The following FGF1 variants were observed in gnomAD, a reference collection of about 807,000 sequenced individuals.
The protein encoded by FGF1 is fibroblast growth factor 1.
In FGF1, 9 loss-of-function variants were observed where a neutral mutation model predicts 13.4. That is an observed-to-expected ratio of 0.67 (90% CI 0.40 to 1.17). FGF1 has a LOEUF of 1.17. Among genes scored for constraint, FGF1 ranks in the 50% most tolerant of loss-of-function variants. The probability of loss-of-function intolerance (pLI) is 0.01; values close to 1 mark genes in which losing one functional copy is unlikely to be tolerated. For missense variants in FGF1, 156 were observed against 192.7 expected, an observed-to-expected ratio of 0.81 and a Z score of 1.13; for synonymous variants, 93 against 79.0, an observed-to-expected ratio of 1.18 and a Z score of -0.94.
chr5:142,596,982 C>A (rs933205886), intron 3 of FGF1, among the ~76,000 whole-genome samples: 2 of 151,762 alleles, frequency 1.3e-5, no homozygotes, highest in Non-Finnish European at 1.5e-5. Flanking sequence ...TAAAAATGAA[C>A]AACAAACCTA....
intron 1 of FGF1, among the ~76,000 whole-genome samples, chr5:142,642,265 GA>G (rs1325851900): frequency 6.6e-6 from 1 of 152,196 alleles, no homozygotes; most frequent in Admixed American, 6.5e-5. Flanking sequence ...ATGGAGACAG[GA>G]AGGGAAGAGA....
chr5:142,648,192 G>T (rs1195775594), intron 1 of FGF1, among the ~76,000 whole-genome samples: 1 of 152,164 alleles, frequency 6.6e-6, no homozygotes, highest in Non-Finnish European at 1.5e-5. Flanking sequence ...AAGAGAACAA[G>T]TGTCTTCACA....
At chr5:142,623,688 G>T (rs777183742) in intron 1 of FGF1, among the ~76,000 whole-genome samples, 13 of 151,842 alleles carry the variant, frequency 8.6e-5, no homozygotes, top group Non-Finnish European at 1.5e-4. Context: ...ATTGATTTAG[G>T]ATTGAACAAG....
intron 1 of FGF1, chr5:142,626,790 C>T (rs1375414453): frequency 1.3e-5 from 2 of 152,280 alleles, no homozygotes; most frequent in Non-Finnish European, 2.9e-5. Context: ...AGCCATTTGC[C>T]ATTGCAGATG....
chr5:142,619,550 G>A (rs1209128096), intron 1 of FGF1, among the ~76,000 whole-genome samples: 3 of 152,180 alleles, frequency 2.0e-5, no homozygotes, highest in Non-Finnish European at 4.4e-5. Context: ...TAAAAGAAAA[G>A]AAATAGAATG....
rs376466647 is a variant in FGF1, at chr5:142,639,336, A to G, written c.-34-25175T>C. On this transcript the variant is annotated intron_variant, in intron 1 of 3. Transcript: ENST00000337706. ...GTATCACACATGAAATCTGTAACAC[A>G]TTTCTTCTAAAGAAAATGTGGTATA... Among the ~76,000 whole-genome samples, 19 of 152,000 alleles carry G rather than the reference A, an allele frequency of 1.3e-4. No homozygotes were observed. The East Asian group carries it at 1.9e-3, about 15-fold the overall frequency.
intron 1 of FGF1, among the ~76,000 whole-genome samples, chr5:142,679,092 A>G (rs889020277): frequency 3.3e-5 from 5 of 152,094 alleles, no homozygotes; most frequent in Non-Finnish European, 7.4e-5. Context: ...AGACTGCCCT[A>G]CATAGGATCA....
chr5:142,632,663 G>A (rs1250608069), intron 1 of FGF1, among the ~76,000 whole-genome samples: 1 of 152,204 alleles, frequency 6.6e-6, no homozygotes. Context: ...TTACAAAGCA[G>A]AATCATATAT....
rs745432170 is a variant in FGF1, at chr5:142,595,455, C to T, written c.303G>A (p.Leu101=). 5 of 1,613,582 alleles carry T rather than the reference C, an allele frequency of 3.1e-6. No homozygotes were observed. Among genetic ancestry groups the T allele is most frequent in the Admixed American group, 3.3e-5 (2 of 59,956 alleles). ...TGTAATGGTTCTCCTCCAGCCTTTC[C>T]AGGAACAAACATTCCTCATTTGGTG... ...SQTPNEECLF[L]ERLEENHYNT... is the part of the protein sequence containing the mutation. The change falls in exon 4 of 4, where the codon CTG becomes CTA. Residue 101 remains leucine, a synonymous_variant. Transcript: ENST00000337706.
At chr5:142,635,246 G>C (rs1371080798) in intron 1 of FGF1, among the ~76,000 whole-genome samples, 2 of 152,176 alleles carry the variant, frequency 1.3e-5, no homozygotes, top group Non-Finnish European at 2.9e-5. Flanking sequence ...GATGATAACA[G>C]TACCTCGTAG....
intron 1 of FGF1, chr5:142,697,826 T>C (rs2152076816): frequency 6.6e-6 from 1 of 152,382 alleles, no homozygotes; most frequent in African/African-American, 2.4e-5. Context: ...ACTTGTCCTC[T>C]CTCTCCTGCT....
At position 142,621,877 on chromosome 5, in the gene FGF1, T is replaced by C. The variant is rs1597173441; in HGVS notation, c.-34-7716A>G. Among the ~76,000 whole-genome samples the C allele has an allele frequency of 2.0e-5, 3 of 152,342 alleles. No individual in the cohort carries two copies. In the Middle Eastern group the frequency reaches 0.01, roughly 518 times the overall value. ...TCTCTTTCTCTCTACCCTACTCCCC[T>C]GGTTAACTCCTAATTTTTCTTCAAA... On this transcript the variant is annotated intron_variant, in intron 1 of 3. Coordinates refer to ENST00000337706, the MANE Select transcript of FGF1 (RefSeq NM_000800.5).
chr5:142,634,632 G>A (rs186682360), intron 1 of FGF1, among the ~76,000 whole-genome samples: 2 of 152,194 alleles, frequency 1.3e-5, no homozygotes, highest in South Asian at 2.1e-4. Flanking sequence ...TGATAATAAC[G>A]TGTAGAGGGA....
chr5:142,633,678 G>A (rs1763745153), intron 1 of FGF1, among the ~76,000 whole-genome samples: 1 of 152,206 alleles, frequency 6.6e-6, no homozygotes, highest in Non-Finnish European at 1.5e-5. Context: ...AATGCCCACT[G>A]CAGCATTGGC....
intron 3 of FGF1, among the ~76,000 whole-genome samples, chr5:142,595,910 T>A (rs17223940): frequency 6.6e-6 from 1 of 152,178 alleles, no homozygotes; most frequent in African/African-American, 2.4e-5. Flanking sequence ...ACATTCCAAA[T>A]AGGTAAAAAC....
At chr5:142,642,985 C>T (rs1765433343) in intron 1 of FGF1, among the ~76,000 whole-genome samples, 1 of 152,160 alleles carries the variant, frequency 6.6e-6, no homozygotes, top group African/African-American at 2.4e-5. Context: ...TTATGCTAAA[C>T]ATTTGTTTAG....
intron 1 of FGF1, among the ~76,000 whole-genome samples, chr5:142,625,973 A>C (rs771529850): frequency 6.6e-6 from 1 of 152,160 alleles, no homozygotes; most frequent in Non-Finnish European, 1.5e-5. Context: ...TTATCTCTTT[A>C]GAAATGCTGA....
chr5:142,695,259 A>AT (rs1361207472), intron 2 of FGF1, among the ~76,000 whole-genome samples: 5 of 152,164 alleles, frequency 3.3e-5, no homozygotes, highest in Non-Finnish European at 7.4e-5. Flanking sequence ...TATAGTTATT[A>AT]TATTACTTCT....
intron 1 of FGF1, among the ~76,000 whole-genome samples, chr5:142,629,774 T>C (rs1763027587): frequency 6.7e-6 from 1 of 150,360 alleles, no homozygotes; most frequent in African/African-American, 2.4e-5. Flanking sequence ...TATTATTTAA[T>C]ATTTTGCTAT....
Sources: gnomAD v4.1 joint callset for allele counts (sites outside exome capture counted in the v4.1 genomes callset) on GRCh38, gnomAD v4.1.1 for gene constraint, MANE v1.5 for transcripts, NCBI Gene and HGNC (gene_info 2026-07-23, HGNC 2026-07-21) for gene names.